The following BRCA1 variants were observed in gnomAD, a reference collection of about 807,000 sequenced individuals.
BRCA1 encodes the protein breast cancer type 1 susceptibility protein.
A neutral mutation model predicts 173.7 loss-of-function variants in BRCA1; 140 were observed. The ratio of observed to expected loss-of-function variants is 0.81; its 90% confidence interval spans 0.70 to 0.93. BRCA1 has a LOEUF of 0.93. BRCA1 is among the 40% of genes least tolerant of loss of function. The pLI is 0.00. For missense variants in BRCA1, 1,983 were observed against 2,172.5 expected (o/e 0.91, Z 1.73); for synonymous variants, 662 against 756.0 (o/e 0.88, Z 2.04).
chr17:43,073,089 T>C (rs1203955162), intron 14 of BRCA1, among the ~76,000 whole-genome samples: 1 of 151,686 alleles, frequency 6.6e-6, no homozygotes, highest in Non-Finnish European at 1.5e-5. Flanking sequence ...CCCAGCACTT[T>C]GGGAGGCCAA....
chr17:43,138,688 C>G, intron 1 of BRCA1: 2 of 779,260 alleles, frequency 2.6e-6, no homozygotes, highest in South Asian at 2.7e-5. Flanking sequence ...CACATCAAGG[C>G]TCCCTTGCCA....
chr17:43,056,566 G>A (rs988425377), intron 19 of BRCA1, among the ~76,000 whole-genome samples: 1 of 152,104 alleles, frequency 6.6e-6, no homozygotes, highest in Non-Finnish European at 1.5e-5. Flanking sequence ...AAGGCGGGAG[G>A]ATCACAAGGT....
chr17:43,106,390 T>G (rs376994550), intron 4 of BRCA1, 66 bp downstream of exon 4: 2 of 1,055,900 alleles, frequency 1.9e-6, no homozygotes, highest in African/African-American at 3.2e-5. Flanking sequence ...CGCTATGTTA[T>G]TAAATAATTT....
intron 2 of BRCA1, among the ~76,000 whole-genome samples, chr17:43,118,120 A>C (rs2055380233): frequency 6.6e-6 from 1 of 152,192 alleles, no homozygotes; most frequent in Admixed American, 6.5e-5. Context: ...CTGAGGTGAG[A>C]CTAGAGGATA....
At chr17:43,113,202 T>C (rs983838554) in intron 3 of BRCA1, among the ~76,000 whole-genome samples, 13 of 152,194 alleles carry the variant, frequency 8.5e-5, no homozygotes, top group African/African-American at 3.1e-4. Flanking sequence ...TTATGAGTAA[T>C]AATCAACTCT....
Position 43,045,572 on chromosome 17 carries a change from G to C in BRCA1, c.*106C>G, listed in dbSNP as rs189442183. On this transcript the variant is annotated 3_prime_UTR_variant, in exon 23 of 23. Coordinates refer to ENST00000357654, the MANE Select transcript of BRCA1 (RefSeq NM_007294.4). The stretch of plus-strand genomic sequence containing the variant: ...TGTACATAAAATATTTAGTAGCCAG[G>C]ACAGTAGAAGGACTGAAGAGTGAGA... 2.0e-6 allele frequency: 3 copies of C among 1,489,768 alleles called. No homozygotes were observed. Among genetic ancestry groups the C allele is most frequent in the Non-Finnish European group, 2.8e-6 (3 of 1,078,460 alleles). The allele number at this position is 1,489,768 out of a possible 1,614,324, so 92.3% of individuals were successfully genotyped here. A position where few individuals can be genotyped will look rare whatever the true frequency, so the allele number is the denominator to read the frequency against.
chr17:43,127,544 G>A (rs799910), upstream of BRCA1, among the ~76,000 whole-genome samples: 1 of 151,888 alleles, frequency 6.6e-6, no homozygotes, highest in Non-Finnish European at 1.5e-5. Context: ...TCTAGCAAAT[G>A]TAGTGGGGAC....
intron 1 of BRCA1, chr17:43,167,085 C>T (rs1358728054): frequency 6.6e-6 from 1 of 152,310 alleles, no homozygotes; most frequent in Non-Finnish European, 1.5e-5. Context: ...CGAGGCGTCC[C>T]AGTGGGGCAA....
Position 43,104,312 on chromosome 17 carries a change from G to A in BRCA1, c.302-51C>T, listed in dbSNP as rs1472415736. 2.5e-6 allele frequency: 4 copies of A among 1,572,446 alleles called. No homozygotes were observed. In the East Asian group the frequency reaches 6.7e-5, roughly 26 times the overall value. On this transcript the variant is annotated intron_variant, in intron 5 of 22. Transcript: ENST00000357654. ...TGTTTGCAGTTAGAGAAAAATGTAT[G>A]AATTATAATCAAAGAAACCAAGAGA... is the stretch of plus-strand genomic sequence containing the variant.
At chr17:43,157,865 G>T (rs1423436322) in intron 1 of BRCA1, among the ~76,000 whole-genome samples, 1 of 151,210 alleles carries the variant, frequency 6.6e-6, no homozygotes, top group Admixed American at 6.6e-5. Context: ...GCTTGGTGGC[G>T]CATGCCTGTA....
In BRCA1 at chr17:43,131,720, CA is replaced by C. The variant is rs869203377; in HGVS notation, c.-19-7606del. 4.5e-3 allele frequency among the ~76,000 whole-genome samples: 597 copies of C among 132,612 alleles called. 1 individual carries two copies. The highest frequency in any genetic ancestry group is 0.01 in the African/African-American group (372 of 36,296). The allele number at this position is 132,612 out of a possible 152,430, so 87.0% of individuals were successfully genotyped here. A position where few individuals can be genotyped will look rare whatever the true frequency, so the allele number is the denominator to read the frequency against. On this transcript the variant is annotated intron_variant, in intron 1 of 7. Coordinates refer to the BRCA1 transcript ENST00000634433. ...TCGGTGACAGAGCGAGACTCCGTCT[CA>C]AAAAAAAAAAAAGGATATCAGCTTT...
chr17:43,097,196 T>C lies in BRCA1; in HGVS notation c.593+48A>G. On this transcript the variant is annotated intron_variant, in intron 8 of 22. Coordinates refer to ENST00000357654, the MANE Select transcript of BRCA1 (RefSeq NM_007294.4). ...AGAAACATCAATCCTTAATATTAACTAAATAGGAAAATACCAGCTTCATAG... is the reference window on the plus strand; with the variant it reads ...AGAAACATCAATCCTTAATATTAACCAAATAGGAAAATACCAGCTTCATAG... 5 of 1,559,624 alleles carry C rather than the reference T, an allele frequency of 3.2e-6. No homozygotes were observed. In the South Asian group the frequency reaches 3.4e-5, roughly 11 times the overall value.
Position 43,104,947 on chromosome 17 carries a change from T to C in BRCA1, c.222A>G (p.Gln74=), listed in dbSNP as rs730881465. The part of the protein sequence containing the change: ...CKNDITKRSL[Q]ESTRFSQLVE... The stretch of plus-strand genomic sequence containing the variant: ...CAAGTTGACTAAATCTCGTACTTTC[T>C]TGTAGGCTCCTGAAATTAAATTGTT... Residue 74 remains glutamine (Q), a synonymous_variant, in exon 5 of 23, where the codon CAA becomes CAG. Coordinates refer to ENST00000357654, the MANE Select transcript of BRCA1 (RefSeq NM_007294.4). 6.2e-7 allele frequency: 1 copy of C among 1,613,562 alleles called. No homozygotes were observed. The highest frequency in any genetic ancestry group is 8.5e-7 in the Non-Finnish European group (1 of 1,179,732).
At chr17:43,099,478 C>A (rs8176141) in intron 7 of BRCA1, among the ~76,000 whole-genome samples, 1 of 150,336 alleles carries the variant, frequency 6.7e-6, no homozygotes, top group Non-Finnish European at 1.5e-5. Flanking sequence ...TCCATGTTGG[C>A]TAGGCTGGTC....
Position 43,049,135 on chromosome 17 carries a change from AT to A in BRCA1, c.5391del (p.Phe1798SerfsTer36), listed in dbSNP as rs774988515. ...CCAATACTTACTGTGCCAAGGGTGA[AT>A]GATGAAAGCTCCTTCACCACAGAAG... ...CGASVVKELS[S>X]FTLGTGVHPI... On this transcript the variant is annotated frameshift_variant, in exon 21 of 23. Transcript: ENST00000357654. LOFTEE classifies it high-confidence loss of function. The A allele has an allele frequency of 6.2e-7, 1 of 1,614,102 alleles. No homozygotes were observed. The highest frequency in any genetic ancestry group is 8.5e-7 in the Non-Finnish European group (1 of 1,179,950).
intron 1 of BRCA1, among the ~76,000 whole-genome samples, chr17:43,158,103 C>T (rs1188366515): frequency 2.0e-5 from 3 of 151,762 alleles, no homozygotes; most frequent in Non-Finnish European, 2.9e-5. Context: ...CATTAACTTT[C>T]ATTCTTACAT....
At chr17:43,083,697 C>T (rs912835055) in intron 11 of BRCA1, among the ~76,000 whole-genome samples, 1 of 152,022 alleles carries the variant, frequency 6.6e-6, no homozygotes, top group Non-Finnish European at 1.5e-5. Flanking sequence ...CCTGAGAAAG[C>T]CTGTAAGGAT....
At chr17:43,095,702 T>A in intron 9 of BRCA1, 144 bp downstream of exon 9, 1 of 739,392 alleles carries the variant, frequency 1.4e-6, no homozygotes, top group Non-Finnish European at 2.4e-6. Flanking sequence ...ACCACGACAT[T>A]TGACAGAGAA....
At chr17:43,127,711 G>A (rs570745035), upstream of BRCA1, among the ~76,000 whole-genome samples, 2 of 152,204 alleles carry the variant, frequency 1.3e-5, no homozygotes, top group Non-Finnish European at 1.5e-5. Context: ...ATGTGGGTGG[G>A]GTCAGATAAG....
Sources: gnomAD v4.1 joint callset for allele counts (sites outside exome capture counted in the v4.1 genomes callset) on GRCh38, gnomAD v4.1.1 for gene constraint, MANE v1.5 for transcripts, NCBI Gene and HGNC (gene_info 2026-07-23, HGNC 2026-07-21) for gene names.